The following ERO1B variants were observed in gnomAD, a reference collection of about 807,000 sequenced individuals.
The protein encoded by ERO1B is endoplasmic reticulum oxidoreductase 1 beta.
ERO1B carries 49 observed loss-of-function variants against 75.3 expected under a neutral mutation model. The ratio of observed to expected loss-of-function variants is 0.65; its 90% CI spans 0.52 to 0.83. The LOEUF (loss-of-function observed/expected upper bound fraction) is 0.83. Among genes scored for constraint, ERO1B ranks in the 40% least tolerant of loss-of-function variants. ERO1B has a pLI of 0.00. For synonymous variants in ERO1B, 191 were observed against 192.9 expected, an observed-to-expected ratio of 0.99 and a Z score of 0.08; for missense variants, 512 against 560.1, an observed-to-expected ratio of 0.91 and a Z score of 0.87.
At chr1:236,250,812 C>A (rs556110122) in intron 4 of ERO1B, among the ~76,000 whole-genome samples, 23 of 151,674 alleles carry the variant, frequency 1.5e-4, no homozygotes, top group Non-Finnish European at 2.8e-4. Flanking sequence ...AGACCACATC[C>A]CAGGGCAACC....
At chr1:236,242,402 T>G (rs753897014) in intron 6 of ERO1B, among the ~76,000 whole-genome samples, 7 of 152,140 alleles carry the variant, frequency 4.6e-5, no homozygotes, top group African/African-American at 1.7e-4. Flanking sequence ...CTCTATATCA[T>G]AGAGAGGACA....
intron 2 of ERO1B, among the ~76,000 whole-genome samples, chr1:236,263,104 G>T (rs1370587720): frequency 6.6e-6 from 1 of 152,214 alleles, no homozygotes; most frequent in Admixed American, 6.6e-5. Flanking sequence ...CTGATTCCCT[G>T]CCTTCCCCAA....
In ERO1B at chr1:236,217,771, A is replaced by G. The variant is rs1664030825; in HGVS notation, c.*745T>C. Reference sequence around the variant, plus strand: ...CAAAATCAAAAGGAGTTCTAAGTAAAAGAACACTCTTGGGCCAGCCCATTA... The same window carrying G: ...CAAAATCAAAAGGAGTTCTAAGTAAGAGAACACTCTTGGGCCAGCCCATTA... On this transcript the variant is annotated 3_prime_UTR_variant, in exon 16 of 16. Coordinates refer to ENST00000354619, the MANE Select transcript of ERO1B (RefSeq NM_019891.4). 5 of 152,228 alleles carry G rather than the reference A, an allele frequency of 3.3e-5. No individual in the cohort carries two copies. The highest frequency in any genetic ancestry group is 1.2e-4 in the African/African-American group (5 of 41,450). 9.4% of individuals were successfully genotyped at this position (152,228 alleles called of 1,614,324 possible).
At chr1:236,255,311 G>C (rs573967501) in intron 2 of ERO1B, among the ~76,000 whole-genome samples, 1 of 151,930 alleles carries the variant, frequency 6.6e-6, no homozygotes, top group Non-Finnish European at 1.5e-5. Context: ...CTCTTTCGCC[G>C]CATTCAAGTC....
chr1:236,231,606 C>A (rs1349974676), intron 9 of ERO1B, among the ~76,000 whole-genome samples: 3 of 150,540 alleles, frequency 2.0e-5, no homozygotes, highest in Non-Finnish European at 4.4e-5. Context: ...TGTTAATGCA[C>A]TTCCTGCGTT....
At chr1:236,220,711 T>C in intron 15 of ERO1B, 121 bp downstream of exon 15, 1 of 1,021,994 alleles carries the variant, frequency 9.8e-7, no homozygotes, top group Non-Finnish European at 1.3e-6. Context: ...TTAGTACAGA[T>C]ACAATATAAA....
Position 236,231,617 on chromosome 1 carries a change from A to G in ERO1B, c.685+1211T>C, listed in dbSNP as rs535846798. Among the ~76,000 whole-genome samples, 21 of 150,762 alleles carry G rather than the reference A, an allele frequency of 1.4e-4. No homozygotes were observed. In the South Asian group the frequency reaches 4.4e-3, roughly 32 times the overall value. On this transcript the variant is annotated intron_variant, in intron 9 of 15. Coordinates refer to ENST00000354619, the MANE Select transcript of ERO1B (RefSeq NM_019891.4). Reference sequence around the variant, plus strand: ...AAATTGTTAATGCACTTCCTGCGTTACCTATCCTTGATGTTGTTTTTTTTT... The same window carrying G: ...AAATTGTTAATGCACTTCCTGCGTTGCCTATCCTTGATGTTGTTTTTTTTT...
At chr1:236,250,618 T>TATA (rs1491338079) in intron 4 of ERO1B, among the ~76,000 whole-genome samples, 2 of 110,258 alleles carry the variant, frequency 1.8e-5, no homozygotes, top group Non-Finnish European at 3.8e-5. Flanking sequence ...TATATATATA[T>TATA]CAAACGTGTG....
intron 6 of ERO1B, among the ~76,000 whole-genome samples, chr1:236,239,909 A>ATTTTTTTTTTTTT (rs1345692165): frequency 2.8e-4 from 30 of 106,948 alleles, no homozygotes; most frequent in African/African-American, 9.4e-4. Context: ...ATATATATAT[A>ATTTTTTTTTTTTT]TATTTTTTTT....
At chr1:236,253,972 T>C (rs1174245091) in intron 2 of ERO1B, among the ~76,000 whole-genome samples, 1 of 152,120 alleles carries the variant, frequency 6.6e-6, no homozygotes, top group African/African-American at 2.4e-5. Flanking sequence ...AGAACTGTAA[T>C]AGTGAGGCTA....
In ERO1B at chr1:236,272,382, T is replaced by TA. The variant is rs1309028628; in HGVS notation, c.103-2389_103-2388insT. On this transcript the variant is annotated intron_variant, in intron 1 of 15. Coordinates refer to ENST00000354619, the MANE Select transcript of ERO1B (RefSeq NM_019891.4). ...CACCATGGAATACTAAGTAGCCATTTTAAAAAAATGAAATAATGTCCTTTG... is the reference window on the plus strand; with the variant it reads ...CACCATGGAATACTAAGTAGCCATTTATAAAAAAATGAAATAATGTCCTTTG... Among the ~76,000 whole-genome samples, 30 of 152,246 alleles carry TA rather than the reference T, an allele frequency of 2.0e-4. No homozygotes were observed. In the East Asian group the frequency reaches 3.9e-3, roughly 20 times the overall value.
chr1:236,271,346 A>G (rs545820017), intron 1 of ERO1B, among the ~76,000 whole-genome samples: 2 of 152,318 alleles, frequency 1.3e-5, no homozygotes, highest in South Asian at 4.1e-4. Flanking sequence ...CCCTAGGAGT[A>G]TAAATGTGTC....
At chr1:236,258,104 G>A (rs540272854) in intron 2 of ERO1B, among the ~76,000 whole-genome samples, 49 of 95,692 alleles carry the variant, frequency 5.1e-4, no homozygotes, top group African/African-American at 1.6e-3. Flanking sequence ...AAAGAAAGAA[G>A]GACAGAAAGA....
In ERO1B at chr1:236,215,507, C is replaced by CATAA. The variant is rs1290316322; in HGVS notation, c.*3005_*3008dup. 38 of 152,220 alleles carry CATAA rather than the reference C, an allele frequency of 2.5e-4. No individual in the cohort carries two copies. The highest frequency in any genetic ancestry group is 8.9e-4 in the African/African-American group (37 of 41,542). 9.4% of individuals were successfully genotyped at this position (152,220 alleles called of 1,614,324 possible). ...ACAGGTTACAATCAAATTCTCATGC[C>CATAA]ATAAAAAGAAACACTTAAAATAGCG... On this transcript the variant is annotated 3_prime_UTR_variant, in exon 16 of 16. Transcript: ENST00000354619.
chr1:236,253,383 G>T, intron 3 of ERO1B, 39 bp downstream of exon 3: 1 of 1,255,528 alleles, frequency 8.0e-7, no homozygotes, highest in South Asian at 1.3e-5. Flanking sequence ...AAAAGTCCAA[G>T]AGAAAATTGG....
chr1:236,251,964 G>A, intron 4 of ERO1B, 86 bp downstream of exon 4: 1 of 984,990 alleles, frequency 1.0e-6, no homozygotes, highest in South Asian at 1.5e-5. Context: ...ACCATAATAT[G>A]GTTCTTTACT....
At chr1:236,266,617 T>A (rs1665447092) in intron 2 of ERO1B, among the ~76,000 whole-genome samples, 2 of 151,460 alleles carry the variant, frequency 1.3e-5, no homozygotes, top group South Asian at 2.1e-4. Context: ...AAAAAAAAAA[T>A]TAAAATTAAA....
chr1:236,281,119 A>C (rs1394443855), intron 1 of ERO1B, among the ~76,000 whole-genome samples: 1 of 152,226 alleles, frequency 6.6e-6, no homozygotes, highest in East Asian at 1.9e-4. Flanking sequence ...CAGCTGGGTA[A>C]AAATAAAGCA....
chr1:236,230,289 T>C (rs1276360180), intron 9 of ERO1B, 39 bp from the exon 10 acceptor site: 7 of 1,512,930 alleles, frequency 4.6e-6, no homozygotes, highest in African/African-American at 1.4e-5. Flanking sequence ...CATTATATGG[T>C]CATTTATAAA....
Sources: gnomAD v4.1 joint callset for allele counts (sites outside exome capture counted in the v4.1 genomes callset) on GRCh38, gnomAD v4.1.1 for gene constraint, MANE v1.5 for transcripts, NCBI Gene and HGNC (gene_info 2026-07-23, HGNC 2026-07-21) for gene names.